WNK2: variants seen among roughly 807,000 people sequenced by gnomAD.
WNK2 encodes the protein serine/threonine-protein kinase WNK2.
WNK2 carries 67 observed loss-of-function variants against 192.1 expected under a neutral mutation model. The ratio of observed to expected loss-of-function variants is 0.35; its 90% CI spans 0.29 to 0.43. WNK2 has a LOEUF of 0.43. Ranked by LOEUF, WNK2 falls within the 20% of genes least tolerant of loss-of-function variation. The pLI is 1.00. For synonymous variants in WNK2, 1,439 were observed against 1,393.9 expected (o/e 1.03, Z -0.72); for missense variants, 2,698 against 3,089.7 (o/e 0.87, Z 3.01).
chr9:93,225,051 CCTGTAGGTGGG>C (rs1260685569), intron 2 of WNK2, among the ~76,000 whole-genome samples: 1 of 152,032 alleles, frequency 6.6e-6, no homozygotes, highest in Non-Finnish European at 1.5e-5. Flanking sequence ...GGCAGCATAC[CCTGTAGGTGGG>C]CTCTGGGCAG....
At chr9:93,226,864 T>C (rs886466028) in intron 2 of WNK2, among the ~76,000 whole-genome samples, 2 of 152,206 alleles carry the variant, frequency 1.3e-5, no homozygotes, top group African/African-American at 4.8e-5. Flanking sequence ...TTCATTCACC[T>C]GGCCCCAAAT....
At chr9:93,219,127 G>A (rs978732824) in intron 2 of WNK2, among the ~76,000 whole-genome samples, 2 of 152,276 alleles carry the variant, frequency 1.3e-5, no homozygotes, top group African/African-American at 2.4e-5. Context: ...GAGGGGAGGG[G>A]CATGGGTTCA....
chr9:93,282,499 A>G lies in WNK2; in HGVS notation c.4034-6289A>G, dbSNP rs189594652. Among the ~76,000 whole-genome samples the G allele has an allele frequency of 4.6e-5, 7 of 152,252 alleles. No homozygotes were observed. The East Asian group carries it at 1.2e-3, about 25-fold the overall frequency. ...AACAGAACAAAGACATAAGATTATA[A>G]AAAGATTAAGAGTAAAAAACAAAAA... On this transcript the variant is annotated intron_variant, in intron 19 of 29. Transcript: ENST00000427277.
intron 21 of WNK2, 116 bp from the exon 22 acceptor site, chr9:93,292,192 C>A: frequency 9.6e-7 from 1 of 1,042,954 alleles, no homozygotes; most frequent in Non-Finnish European, 1.5e-6. Context: ...TTCCATTGTC[C>A]TGCCTGTCTG....
In WNK2 at chr9:93,259,573, C is replaced by T; in HGVS notation, c.3025C>T (p.Leu1009Phe). The change falls in exon 12 of 30, where the codon CTT becomes TTT. Residue 1009 changes from leucine (L) to phenylalanine (F), a missense_variant. Around this residue, in one of 7 missense-constraint regions of WNK2, gnomAD observed 893 missense variants for 909.0 expected, o/e 0.98. Coordinates refer to ENST00000427277, the MANE Select transcript of WNK2 (RefSeq NM_006648.4). This position sits in a 1 kb window ranked among gnomAD's most constrained non-coding sequence, Gnocchi z 4.8. Reference protein sequence around the residue: ...PVRPEPLQPHLPEQAAPAATP... With the variant: ...PVRPEPLQPHFPEQAAPAATP... ...GCGCCCTGAGCCCCTCCAGCCCCAC[C>T]TTCCTGAACAAGCTGCTCCAGCTGC... is the stretch of plus-strand genomic sequence containing the variant. The T allele has an allele frequency of 6.3e-7, 1 of 1,594,282 alleles. No individual in the cohort carries two copies. The highest frequency in any genetic ancestry group is 8.5e-7 in the Non-Finnish European group (1 of 1,177,182).
chr9:93,262,506 G>T (rs745333046), intron 13 of WNK2, among the ~76,000 whole-genome samples, 164 bp from the exon 14 acceptor site: 1 of 152,160 alleles, frequency 6.6e-6, no homozygotes, highest in African/African-American at 2.4e-5. Flanking sequence ...CCATTGTGAC[G>T]CCCCCTGGGT....
At chr9:93,305,056 C>G (rs1852274772) in intron 26 of WNK2, among the ~76,000 whole-genome samples, 1 of 152,214 alleles carries the variant, frequency 6.6e-6, no homozygotes, top group Non-Finnish European at 1.5e-5. Context: ...GGTCCAGGCT[C>G]CCTCTGGTGG....
At chr9:93,255,827 T>C (rs528802271) in intron 9 of WNK2, among the ~76,000 whole-genome samples, 4 of 152,284 alleles carry the variant, frequency 2.6e-5, no homozygotes, top group African/African-American at 7.2e-5. Context: ...AAATACCCAT[T>C]CTGAGAGCTT....
At chr9:93,291,809 T>C (rs1188399933) in intron 21 of WNK2, among the ~76,000 whole-genome samples, 1 of 152,180 alleles carries the variant, frequency 6.6e-6, no homozygotes, top group Non-Finnish European at 1.5e-5. Context: ...GTTGCCTCTT[T>C]ACGGCAACCC....
chr9:93,210,303 TG>T (rs1247848171), intron 2 of WNK2, among the ~76,000 whole-genome samples: 1 of 28,976 alleles, frequency 3.5e-5, no homozygotes, highest in East Asian at 8.1e-4. Flanking sequence ...ATGGGCAGGG[TG>T]GGCAGGGATG....
intron 28 of WNK2, among the ~76,000 whole-genome samples, chr9:93,309,732 T>C (rs1359638798): frequency 6.6e-6 from 1 of 152,222 alleles, no homozygotes; most frequent in Admixed American, 6.5e-5. Flanking sequence ...ATTTATTTTC[T>C]TATTTCTTGC....
Position 93,289,036 on chromosome 9 carries a change from A to G in WNK2, c.4282A>G (p.Ser1428Gly). Reference sequence around the variant, plus strand: ...TCCAGGGACACCTCAGGGGCTGACCAGTGAGCTCGAGACGTCTCAGCCACT... The same window carrying G: ...TCCAGGGACACCTCAGGGGCTGACCGGTGAGCTCGAGACGTCTCAGCCACT... ...GGPGTPQGLT[S>G]ELETSQPLAE... Residue 1428 changes from serine to glycine, a missense_variant, in exon 20 of 30, where the codon AGT becomes GGT. Ser to Gly is a moderately conservative substitution (Grantham distance 56). This residue lies in a region of WNK2 where 1,098 missense variants were observed against 1,101.0 expected (regional missense o/e 1.00). Transcript: ENST00000427277. The G allele has an allele frequency of 1.9e-6, 3 of 1,604,242 alleles. No individual in the cohort carries two copies. The highest frequency in any genetic ancestry group is 2.6e-6 in the Non-Finnish European group (3 of 1,175,758).
intron 7 of WNK2, among the ~76,000 whole-genome samples, chr9:93,242,755 C>A (rs890902749): frequency 1.3e-5 from 2 of 152,176 alleles, no homozygotes; most frequent in African/African-American, 4.8e-5. Flanking sequence ...GAGTCTCACG[C>A]ACAAATGAGG....
intron 2 of WNK2, among the ~76,000 whole-genome samples, chr9:93,194,683 A>G (rs1830915532): frequency 6.6e-6 from 1 of 152,200 alleles, no homozygotes; most frequent in Non-Finnish European, 1.5e-5. Context: ...TTACTATGCA[A>G]TCCAGCAACT....
chr9:93,230,321 C>T (rs1838544338), intron 3 of WNK2, among the ~76,000 whole-genome samples: 1 of 152,142 alleles, frequency 6.6e-6, no homozygotes, highest in Admixed American at 6.5e-5. Flanking sequence ...CCACTGGACC[C>T]TGCAGCCTTG....
In WNK2 at chr9:93,253,006, G is replaced by GC; in HGVS notation, c.1964dup (p.Val656CysfsTer268). The GC allele has an allele frequency of 6.4e-7, 1 of 1,558,640 alleles. No individual in the cohort carries two copies. Among genetic ancestry groups the GC allele is most frequent in the Non-Finnish European group, 8.7e-7 (1 of 1,153,358 alleles). ...CCGTCCCCGGCCCAGTGTGTGTGCA[G>GC]CCCCCCTGTGAGCGAGGGGCCCGTC... On this transcript the variant is annotated frameshift_variant, in exon 9 of 30. Transcript: ENST00000427277. LOFTEE classifies it high-confidence loss of function.
chr9:93,288,396 T>C (rs1471334569), intron 19 of WNK2, among the ~76,000 whole-genome samples: 2 of 152,206 alleles, frequency 1.3e-5, no homozygotes, highest in African/African-American at 4.8e-5. Flanking sequence ...CAGTGCAAGA[T>C]AGACAAGAGC....
intron 9 of WNK2, among the ~76,000 whole-genome samples, chr9:93,254,558 C>T (rs938246927): frequency 5.3e-5 from 8 of 152,242 alleles, no homozygotes; most frequent in Non-Finnish European, 8.8e-5. Flanking sequence ...AGCTGTTTGC[C>T]GAGTCTGCCT....
At chr9:93,221,598 A>G (rs1315666999) in intron 2 of WNK2, among the ~76,000 whole-genome samples, 2 of 152,230 alleles carry the variant, frequency 1.3e-5, no homozygotes, top group Non-Finnish European at 2.9e-5. Context: ...AGGCACTTTC[A>G]ACAAAATTAG....
Sources: allele counts gnomAD v4.1 joint callset (sites outside exome capture counted in the v4.1 genomes callset), GRCh38; gene constraint gnomAD v4.1.1; regional missense constraint gnomAD v4.1.1; non-coding constraint Gnocchi (gnomAD v3.1); transcripts MANE v1.5; gene names NCBI Gene and HGNC (gene_info 2026-07-23, HGNC 2026-07-21).